Variants in RAB17 observed in about 807,000 individuals in gnomAD.
The protein encoded by RAB17 is RAB17, member RAS oncogene family.
In RAB17, 15 loss-of-function variants were observed where a neutral mutation model predicts 19.3. The observed-to-expected ratio is 0.78, with a 90% CI of 0.52 to 1.20. RAB17 has a LOEUF of 1.20. RAB17 is among the 50% of genes most tolerant of loss of function. The pLI is 0.00. For missense variants in RAB17, 262 were observed against 269.3 expected (o/e 0.97, Z 0.19); for synonymous variants, 110 against 112.8 (o/e 0.97, Z 0.16).
rs2081272986 is a variant in RAB17 at position 237,577,296 on chromosome 2, G to A, written c.396C>T (p.Asn132=). ...PGEVLVMLVG[N]KTDLSQEREV... ...CCCGCTCCTGGCTGAGGTCCGTCTTGTTGCCCACCAGCATCACCAGGACTT... is the reference window on the plus strand; with the variant it reads ...CCCGCTCCTGGCTGAGGTCCGTCTTATTGCCCACCAGCATCACCAGGACTT... Residue 132 remains asparagine (N), a synonymous_variant, in exon 4 of 6, where the codon AAC becomes AAT. Coordinates refer to ENST00000264601, the MANE Select transcript of RAB17 (RefSeq NM_022449.4). 5.0e-6 allele frequency: 8 copies of A among 1,613,844 alleles called. No homozygotes were observed. The highest frequency in any genetic ancestry group is 1.7e-5 in the Admixed American group (1 of 59,992).
intron 1 of RAB17, among the ~76,000 whole-genome samples, chr2:237,586,432 A>G (rs1428057455): frequency 6.6e-6 from 1 of 152,174 alleles, no homozygotes; most frequent in Non-Finnish European, 1.5e-5. Flanking sequence ...GACCCTGAAA[A>G]GCAATGATTA....
Position 237,574,692 on chromosome 2 carries a change from G to A in RAB17, c.*327C>T, listed in dbSNP as rs2081246837. ...TCTTCCCACCGTCGCTGTGCTGCGG[G>A]GACTTTTCCAATCCTTCCTTCCTCT... On this transcript the variant is annotated 3_prime_UTR_variant, in exon 6 of 6. Transcript: ENST00000264601. 24 of 1,431,644 alleles carry A rather than the reference G, an allele frequency of 1.7e-5. No individual in the cohort carries two copies. Among genetic ancestry groups the A allele is most frequent in the Non-Finnish European group, 2.0e-5 (22 of 1,092,712 alleles). 88.7% of individuals were successfully genotyped at this position (1,431,644 alleles called of 1,614,324 possible).
chr2:237,575,635 A>G, intron 4 of RAB17, 155 bp from the exon 5 acceptor site: 1 of 617,948 alleles, frequency 1.6e-6, no homozygotes, highest in Non-Finnish European at 2.9e-6. Context: ...GGCACTCCTG[A>G]GCAGCCAGGA....
chr2:237,577,275 C>T lies in RAB17; in HGVS notation c.417G>A (p.Glu139=). The change falls in exon 4 of 6, where the codon GAG becomes GAA. Residue 139 remains glutamate (E), a synonymous_variant. Coordinates refer to ENST00000264601, the MANE Select transcript of RAB17 (RefSeq NM_022449.4). ...GCGGTACCTGGAAGGTCACCTCCCGCTCCTGGCTGAGGTCCGTCTTGTTGC... is the reference window on the plus strand; with the variant it reads ...GCGGTACCTGGAAGGTCACCTCCCGTTCCTGGCTGAGGTCCGTCTTGTTGC... The part of the protein sequence containing the change: ...LVGNKTDLSQ[E]REVTFQEGKE... The T allele has an allele frequency of 6.2e-7, 1 of 1,613,594 alleles. No homozygotes were observed. Among genetic ancestry groups the T allele is most frequent in the Non-Finnish European group, 8.5e-7 (1 of 1,179,910 alleles).
At chr2:237,575,571 C>G (rs2081255540) in intron 4 of RAB17, 91 bp from the exon 5 acceptor site, 2 of 1,005,758 alleles carry the variant, frequency 2.0e-6, no homozygotes. Context: ...TCCGAGAAAG[C>G]TGCAGCCGTG....
intron 2 of RAB17, among the ~76,000 whole-genome samples, chr2:237,579,728 A>AGACAGAGAACAGGAGACTG (rs2081294314): frequency 6.7e-6 from 1 of 149,818 alleles, no homozygotes; most frequent in East Asian, 2.0e-4. Flanking sequence ...TGCACCCACT[A>AGACAGAGAACAGGAGACTG]GACAGAGAAC....
chr2:237,575,540 G>T, intron 4 of RAB17, 60 bp from the exon 5 acceptor site: 1 of 1,254,840 alleles, frequency 8.0e-7, no homozygotes, highest in Non-Finnish European at 1.1e-6. Context: ...AAGGACACCT[G>T]GTTCACTTCC....
chr2:237,577,606 T>C, intron 3 of RAB17: 1 of 539,398 alleles, frequency 1.9e-6, no homozygotes, highest in Non-Finnish European at 3.3e-6. Flanking sequence ...ACACATCAGA[T>C]CCTTCACCCT....
Position 237,586,001 on chromosome 2 carries a change from C to A in RAB17, c.154G>T (p.Gly52Cys). The A allele has an allele frequency of 1.9e-6, 3 of 1,603,830 alleles. No individual in the cohort carries two copies. The highest frequency in any genetic ancestry group is 1.7e-6 in the Non-Finnish European group (2 of 1,175,116). ...GGGGTGCTCTGCCCTCACTTACAGC[C>A]CACCGTAGGCAGGATACTCTTGAAG... is the stretch of plus-strand genomic sequence containing the variant. ...NDFKSILPTV[G>C]CAFFTKVVDV... The change falls in exon 2 of 6, where the codon GGC (glycine) becomes TGC (cysteine). Residue 52 changes from glycine to cysteine, a missense_variant. Physicochemically the swap from Gly to Cys is radical, Grantham distance 159. Coordinates refer to ENST00000264601, the MANE Select transcript of RAB17 (RefSeq NM_022449.4).
Position 237,575,449 on chromosome 2 carries a change from A to G in RAB17, c.467T>C (p.Leu156Ser), listed in dbSNP as rs768610341. Reference protein sequence around the residue: ...EGKEFADSQKLLFMETSAKLN... With the variant: ...EGKEFADSQKSLFMETSAKLN... ...TTTGGCCGAAGTTTCCATGAACAGC[A>G]ACTTCTGGCTGTCGGCAAACTCCTT... Residue 156 changes from leucine to serine, a missense_variant, in exon 5 of 6, where the codon TTG becomes TCG. Leu to Ser is a moderately radical substitution (Grantham distance 145). Coordinates refer to ENST00000264601, the MANE Select transcript of RAB17 (RefSeq NM_022449.4). 6.2e-7 allele frequency: 1 copy of G among 1,612,380 alleles called. No homozygotes were observed. Among genetic ancestry groups the G allele is most frequent in the South Asian group, 1.1e-5 (1 of 90,698 alleles).
intron 2 of RAB17, among the ~76,000 whole-genome samples, chr2:237,584,842 G>A (rs1236376624): frequency 1.3e-5 from 2 of 152,216 alleles, no homozygotes; most frequent in Non-Finnish European, 2.9e-5. Context: ...CTTGGGGGGT[G>A]AGGGGTACAG....
At chr2:237,587,636 T>A (rs1308613246) in intron 1 of RAB17, among the ~76,000 whole-genome samples, 2 of 152,094 alleles carry the variant, frequency 1.3e-5, no homozygotes, top group African/African-American at 4.8e-5. Flanking sequence ...CTGAGAGTCA[T>A]GGAGTCCAGA....
At chr2:237,578,237 G>A (rs1156513432) in intron 2 of RAB17, 82 bp from the exon 3 acceptor site, 1 of 1,409,290 alleles carries the variant, frequency 7.1e-7, no homozygotes, top group Non-Finnish European at 9.7e-7. Context: ...CAAGCCGCAG[G>A]CACAGCAATG....
At chr2:237,588,255 G>A (rs139245941) in intron 1 of RAB17, among the ~76,000 whole-genome samples, 6,353 of 152,214 alleles carry the variant, frequency 0.042, 273 homozygotes, top group African/African-American at 0.11. Context: ...ACAAGCCTGC[G>A]TGTTCTCTTG....
chr2:237,580,442 T>C (rs1358467396), intron 2 of RAB17, among the ~76,000 whole-genome samples: 1 of 152,204 alleles, frequency 6.6e-6, no homozygotes, highest in African/African-American at 2.4e-5. Context: ...TTTTCCATGT[T>C]GAAAATGATG....
intron 4 of RAB17, 83 bp downstream of exon 4, chr2:237,577,174 A>C: frequency 6.6e-7 from 1 of 1,517,780 alleles, no homozygotes; most frequent in African/African-American, 1.4e-5. Flanking sequence ...CGTGTATGAA[A>C]GTGTGAGTGC....
At chr2:237,581,017 TTTA>T (rs1256915769) in intron 2 of RAB17, among the ~76,000 whole-genome samples, 6 of 152,204 alleles carry the variant, frequency 3.9e-5, no homozygotes, top group Admixed American at 6.5e-5. Flanking sequence ...ACAGCATGCA[TTTA>T]TTATCATAAC....
Position 237,575,179 on chromosome 2 carries a change from C to T in RAB17, c.530-51G>A, listed in dbSNP as rs777336889. On this transcript the variant is annotated intron_variant, in intron 5 of 5. Transcript: ENST00000264601. The stretch of plus-strand genomic sequence containing the variant: ...GGCTAGGGAGGGAAGTCGCCCAGCC[C>T]AGCACAGCCCTGCAGACCAGCCACC... The T allele has an allele frequency of 2.7e-6, 4 of 1,493,184 alleles. No individual in the cohort carries two copies. The East Asian group carries it at 9.1e-5, about 34-fold the overall frequency. 92.5% of individuals were successfully genotyped at this position (1,493,184 alleles called of 1,614,324 possible).
intron 2 of RAB17, among the ~76,000 whole-genome samples, chr2:237,581,969 T>G (rs897300589): frequency 9.8e-5 from 15 of 152,372 alleles, no homozygotes; most frequent in African/African-American, 3.4e-4. Context: ...GTTAGGACAG[T>G]GGGGGCAGTC....
Sources: allele counts gnomAD v4.1 joint callset (sites outside exome capture counted in the v4.1 genomes callset), GRCh38; gene constraint gnomAD v4.1.1; transcripts MANE v1.5; gene names NCBI Gene and HGNC (gene_info 2026-07-23, HGNC 2026-07-21).